The following CDH8 variants were observed in gnomAD, a reference collection of about 807,000 sequenced individuals.
CDH8 encodes cadherin-8.
In CDH8, 17 loss-of-function variants were observed where a neutral mutation model predicts 68.1. The ratio of observed to expected loss-of-function variants is 0.25; its 90% CI spans 0.17 to 0.37. CDH8 has a LOEUF of 0.37. Ranked by LOEUF, CDH8 falls within the 10% of genes least tolerant of loss-of-function variation. CDH8 has a pLI of 1.00. For synonymous variants in CDH8, 372 were observed against 365.1 expected (o/e 1.02, Z -0.21); for missense variants, 763 against 999.3 (o/e 0.76, Z 3.19).
intron 4 of CDH8, among the ~76,000 whole-genome samples, chr16:61,832,546 A>G (rs950521841): frequency 6.6e-6 from 1 of 151,790 alleles, no homozygotes; most frequent in Admixed American, 6.6e-5. Context: ...AGCAATCAAA[A>G]GCTTGTTTAT....
At chr16:61,692,842 A>G (rs902012141) in intron 10 of CDH8, 1 of 152,206 alleles carries the variant, frequency 6.6e-6, no homozygotes, top group Non-Finnish European at 1.5e-5. Context: ...CTGGAAAAGC[A>G]GCAGGGAAAC....
chr16:61,814,915 C>T (rs1962038492), intron 7 of CDH8, among the ~76,000 whole-genome samples: 1 of 152,182 alleles, frequency 6.6e-6, no homozygotes, highest in African/African-American at 2.4e-5. Flanking sequence ...AACTGCAGAA[C>T]AGATGTTGAA....
chr16:62,017,286 T>C lies in CDH8; in HGVS notation c.252+3866A>G, dbSNP rs1901964556. Among the ~76,000 whole-genome samples the C allele has an allele frequency of 4.6e-5, 7 of 152,140 alleles. No individual in the cohort carries two copies. In the South Asian group the frequency reaches 1.5e-3, roughly 32 times the overall value. On this transcript the variant is annotated intron_variant, in intron 2 of 11. Transcript: ENST00000577390. ...AGGTATAGAGTATGTTAGATAATGA[T>C]TATCAGGAAGAAAAACAGTCAAGCA... is the stretch of plus-strand genomic sequence containing the variant.
At chr16:61,736,117 AAGGAAGG>A (rs775331227) in intron 8 of CDH8, among the ~76,000 whole-genome samples, 16,128 of 143,754 alleles carry the variant, frequency 0.11, 1,019 homozygotes, top group Middle Eastern at 0.15. Context: ...GAAAGAAAGG[AAGGAAGG>A]AAGGAAGGAA....
chr16:61,703,667 C>T (rs535079656), intron 10 of CDH8, among the ~76,000 whole-genome samples: 6 of 152,044 alleles, frequency 3.9e-5, no homozygotes, highest in East Asian at 3.9e-4. Context: ...AGTGAAACGC[C>T]GTCTCTACCA....
At chr16:61,859,929 C>G (rs1963119887) in intron 3 of CDH8, among the ~76,000 whole-genome samples, 1 of 152,140 alleles carries the variant, frequency 6.6e-6, no homozygotes, top group Non-Finnish European at 1.5e-5. Flanking sequence ...CTCACTGCAA[C>G]CGCCTCCAGG....
chr16:61,972,571 G>GGGT (rs369833002), intron 2 of CDH8, among the ~76,000 whole-genome samples: 4,310 of 131,500 alleles, frequency 0.033, 153 homozygotes, highest in African/African-American at 0.087. Flanking sequence ...ACACATTGTG[G>GGGT]GTGTGTGTGT....
At chr16:62,034,808 G>A (rs1249036645) in intron 1 of CDH8, among the ~76,000 whole-genome samples, 1 of 152,190 alleles carries the variant, frequency 6.6e-6, no homozygotes, top group Non-Finnish European at 1.5e-5. Context: ...AATTGGTGCT[G>A]AAGTGAGCAG....
chr16:61,844,676 A>G (rs1962766922), intron 4 of CDH8, among the ~76,000 whole-genome samples: 1 of 152,106 alleles, frequency 6.6e-6, no homozygotes, highest in South Asian at 2.1e-4. Flanking sequence ...CATTATGATG[A>G]CTCTAGTATT....
At chr16:61,946,133 A>G (rs1224420197) in intron 2 of CDH8, among the ~76,000 whole-genome samples, 1 of 152,144 alleles carries the variant, frequency 6.6e-6, no homozygotes, top group East Asian at 1.9e-4. Flanking sequence ...AGGAAAACAT[A>G]CACACATGTG....
rs537484436 is a variant in CDH8 at position 62,028,523 on chromosome 16, T to C, written c.-199-6921A>G. Among the ~76,000 whole-genome samples the C allele has an allele frequency of 5.9e-5, 9 of 152,286 alleles. No homozygotes were observed. In the South Asian group the frequency reaches 1.5e-3, roughly 25 times the overall value. ...TTCCCAAGGTAGAGTCACAAGTTTATTCTTCACGTAGAAATTTTTCTGTTA... is the reference window on the plus strand; with the variant it reads ...TTCCCAAGGTAGAGTCACAAGTTTACTCTTCACGTAGAAATTTTTCTGTTA... On this transcript the variant is annotated intron_variant, in intron 1 of 11. Transcript: ENST00000577390.
chr16:61,665,776 C>CTTCT (rs1555500894), intron 10 of CDH8, among the ~76,000 whole-genome samples: 3 of 134,738 alleles, frequency 2.2e-5, no homozygotes, highest in African/African-American at 8.4e-5. Flanking sequence ...TCCTTCCTTC[C>CTTCT]TTCCTTCCTT....
At position 61,650,843 on chromosome 16, in the gene CDH8, A is replaced by T. The variant is rs1010766417; in HGVS notation, c.*2765T>A. 6.6e-6 allele frequency: 1 copy of T among 152,082 alleles called. No homozygotes were observed. The allele number at this position is 152,082 out of a possible 1,614,324, so 9.4% of individuals were successfully genotyped here. On this transcript the variant is annotated 3_prime_UTR_variant, in exon 12 of 12. Coordinates refer to ENST00000577390, the MANE Select transcript of CDH8 (RefSeq NM_001796.5). The stretch of plus-strand genomic sequence containing the variant: ...GGTATTAGTCACTTTATTCTATGTT[A>T]CAAGACCTGAAATAGGCTTTTAAAC...
intron 10 of CDH8, among the ~76,000 whole-genome samples, chr16:61,702,159 T>A (rs1307827130): frequency 6.6e-6 from 1 of 152,052 alleles, no homozygotes; most frequent in Non-Finnish European, 1.5e-5. Flanking sequence ...GATCACGAGG[T>A]CAGGAGATCT....
chr16:61,891,013 T>C (rs1963765988), intron 3 of CDH8, among the ~76,000 whole-genome samples: 11 of 152,090 alleles, frequency 7.2e-5, no homozygotes, highest in Admixed American at 7.2e-4. Flanking sequence ...GCGATGTTTC[T>C]ATAAGACTAT....
chr16:61,753,578 G>T (rs1684783606), intron 8 of CDH8, among the ~76,000 whole-genome samples: 1 of 152,078 alleles, frequency 6.6e-6, no homozygotes, highest in Admixed American at 6.6e-5. Context: ...GTATTCCAAA[G>T]AAATAATGAT....
intron 1 of CDH8, among the ~76,000 whole-genome samples, chr16:62,028,656 T>C (rs1414804997): frequency 6.6e-6 from 1 of 152,006 alleles, no homozygotes; most frequent in African/African-American, 2.4e-5. Flanking sequence ...AAAACTTTCT[T>C]GGAATCATCA....
chr16:61,983,065 A>G lies in CDH8; in HGVS notation c.252+38087T>C, dbSNP rs148356393. Reference sequence around the variant, plus strand: ...AGCATTCATAAATTAATCCAATAAAAATAGAACAAATCTAAAATTTGAAGC... The same window carrying G: ...AGCATTCATAAATTAATCCAATAAAGATAGAACAAATCTAAAATTTGAAGC... On this transcript the variant is annotated intron_variant, in intron 2 of 11. Coordinates refer to ENST00000577390, the MANE Select transcript of CDH8 (RefSeq NM_001796.5). Among the ~76,000 whole-genome samples the G allele has an allele frequency of 1.5e-3, 227 of 152,360 alleles. 1 individual carries two copies. Among genetic ancestry groups the G allele is most frequent in the African/African-American group, 5.1e-3 (214 of 41,596 alleles).
intron 2 of CDH8, among the ~76,000 whole-genome samples, chr16:61,982,446 C>T (rs1400438553): frequency 6.6e-6 from 1 of 152,126 alleles, no homozygotes; most frequent in East Asian, 1.9e-4. Flanking sequence ...GTCTCCATCT[C>T]CTGACCTCGT....
Sources: allele counts gnomAD v4.1 joint callset (sites outside exome capture counted in the v4.1 genomes callset), GRCh38; gene constraint gnomAD v4.1.1; transcripts MANE v1.5; gene names NCBI Gene and HGNC (gene_info 2026-07-23, HGNC 2026-07-21).